ASIC2: variants seen among roughly 807,000 people sequenced by gnomAD.
ASIC2 encodes the protein acid-sensing ion channel 2.
A neutral mutation model predicts 57.3 loss-of-function variants in ASIC2; 25 were observed. That is an observed-to-expected ratio of 0.44 (90% CI 0.32 to 0.61). The LOEUF (loss-of-function observed/expected upper bound fraction) is 0.61, where lower values mean the gene tolerates loss of function less well. ASIC2 is among the 20% of genes least tolerant of loss of function. The pLI is 0.06. For missense variants in ASIC2, 641 were observed against 738.1 expected (o/e 0.87, Z 1.52); for synonymous variants, 319 against 307.5 (o/e 1.04, Z -0.39).
At chr17:33,907,257 G>A (rs1304911046) in intron 1 of ASIC2, among the ~76,000 whole-genome samples, 1 of 152,142 alleles carries the variant, frequency 6.6e-6, no homozygotes, top group Non-Finnish European at 1.5e-5. Context: ...GGGATCCTGG[G>A]GGTCAGGCGA....
intron 1 of ASIC2, among the ~76,000 whole-genome samples, chr17:33,858,554 C>T (rs1194935375): frequency 6.6e-6 from 1 of 152,240 alleles, no homozygotes; most frequent in Non-Finnish European, 1.5e-5. Flanking sequence ...CAAAGACAGC[C>T]TGAGTCCCTG....
At chr17:34,065,356 G>A (rs758711930) in intron 1 of ASIC2, among the ~76,000 whole-genome samples, 1 of 152,080 alleles carries the variant, frequency 6.6e-6, no homozygotes, top group Admixed American at 6.6e-5. Flanking sequence ...GGGACTTAGG[G>A]GGAAGAGTGG....
intron 1 of ASIC2, among the ~76,000 whole-genome samples, chr17:33,640,490 A>G (rs1167904526): frequency 6.6e-6 from 1 of 152,220 alleles, no homozygotes; most frequent in Non-Finnish European, 1.5e-5. Context: ...TCTCACAGAG[A>G]GAGCACGGAC....
chr17:33,024,823 G>A (rs1306085079), intron 5 of ASIC2, among the ~76,000 whole-genome samples: 1 of 152,074 alleles, frequency 6.6e-6, no homozygotes, highest in African/African-American at 2.4e-5. Flanking sequence ...CTGAGTCCTC[G>A]CTCTGCTTGA....
At chr17:33,037,477 G>A (rs955793056) in intron 3 of ASIC2, among the ~76,000 whole-genome samples, 3 of 146,492 alleles carry the variant, frequency 2.0e-5, no homozygotes, top group African/African-American at 7.7e-5. Context: ...TGCTCCATCA[G>A]CGTCTCTGAA....
intron 1 of ASIC2, among the ~76,000 whole-genome samples, chr17:33,464,477 TTTCTCTCTTTCTTTCTTTCTTTCTTTC>T (rs1912752785): frequency 4.6e-5 from 5 of 107,694 alleles, no homozygotes; most frequent in African/African-American, 1.9e-4. Flanking sequence ...CTTTCTTTCT[TTTCTCTCTTTCTTTCTTTCTTTCTTTC>T]TTTCTTTCTT....
At chr17:33,231,655 A>G (rs1053969617) in intron 1 of ASIC2, among the ~76,000 whole-genome samples, 1 of 152,060 alleles carries the variant, frequency 6.6e-6, no homozygotes, top group African/African-American at 2.4e-5. Flanking sequence ...TCGAGGCCTG[A>G]TGGGTCACTG....
intron 1 of ASIC2, among the ~76,000 whole-genome samples, chr17:34,022,222 C>T (rs2142029821): frequency 6.6e-6 from 1 of 152,206 alleles, no homozygotes; most frequent in Admixed American, 6.5e-5. Flanking sequence ...TTCTGCTGTG[C>T]CTAACCCTAA....
At chr17:33,154,390 A>G (rs1294533051) in intron 1 of ASIC2, among the ~76,000 whole-genome samples, 17 of 152,174 alleles carry the variant, frequency 1.1e-4, no homozygotes. Context: ...AAATTATTTC[A>G]TTCTTTAAAA....
intron 1 of ASIC2, among the ~76,000 whole-genome samples, chr17:33,790,279 AT>A (rs1339448483): frequency 3.3e-5 from 5 of 152,214 alleles, no homozygotes; most frequent in Non-Finnish European, 5.9e-5. Context: ...TCAATAATAT[AT>A]TTTTTTGACC....
chr17:33,330,765 T>G (rs185906958), intron 1 of ASIC2, among the ~76,000 whole-genome samples: 1 of 152,166 alleles, frequency 6.6e-6, no homozygotes, highest in Non-Finnish European at 1.5e-5. Flanking sequence ...TTATTCTATT[T>G]CATAAGGATT....
chr17:33,408,855 A>G (rs1365080717), intron 1 of ASIC2, among the ~76,000 whole-genome samples: 1 of 152,194 alleles, frequency 6.6e-6, no homozygotes, highest in Non-Finnish European at 1.5e-5. Context: ...ATGAGAGAGG[A>G]CAGGGTAAAT....
intron 1 of ASIC2, among the ~76,000 whole-genome samples, chr17:33,129,359 C>G (rs2092336323): frequency 6.6e-6 from 1 of 152,172 alleles, no homozygotes; most frequent in Non-Finnish European, 1.5e-5. Context: ...GCTGCAGGAA[C>G]TAGGGGTATT....
chr17:33,415,062 T>C (rs1910795202), intron 1 of ASIC2, among the ~76,000 whole-genome samples: 1 of 152,232 alleles, frequency 6.6e-6, no homozygotes, highest in South Asian at 2.1e-4. Flanking sequence ...TACCACCCTG[T>C]GGGGACATGG....
intron 1 of ASIC2, among the ~76,000 whole-genome samples, chr17:33,232,503 T>TGGTATGGTATGGTATGGTAC (rs1555584469): frequency 1.3e-3 from 172 of 134,166 alleles, no homozygotes; most frequent in South Asian, 4.3e-3. Context: ...TGGTACGGTA[T>TGGTATGGTATGGTATGGTAC]GGTATGGTAT....
intron 1 of ASIC2, among the ~76,000 whole-genome samples, chr17:33,930,977 G>A (rs972577353): frequency 3.9e-5 from 6 of 152,154 alleles, no homozygotes; most frequent in Non-Finnish European, 8.8e-5. Context: ...GGAGTGCAGT[G>A]GCACGATCTC....
intron 1 of ASIC2, among the ~76,000 whole-genome samples, chr17:33,308,391 C>T (rs1405841056): frequency 6.6e-6 from 1 of 152,206 alleles, no homozygotes; most frequent in African/African-American, 2.4e-5. Flanking sequence ...CCAAGACTTT[C>T]TGTGTTATGC....
chr17:33,126,384 C>T (rs1026428442), intron 1 of ASIC2, among the ~76,000 whole-genome samples: 1 of 152,200 alleles, frequency 6.6e-6, no homozygotes, highest in Non-Finnish European at 1.5e-5. Context: ...CAGTCTCCTC[C>T]ACTTTGGTCT....
chr17:33,380,492 A>G lies in ASIC2; in HGVS notation c.556-268425T>C, dbSNP rs142631757. ...AAAAAACAACAAGGTCAGGGAGGTC[A>G]GGGAGTGACAGGCTTCCATCACACA... On this transcript the variant is annotated intron_variant, in intron 1 of 9. Transcript: ENST00000359872. Among the ~76,000 whole-genome samples, 468 of 152,308 alleles carry G rather than the reference A, an allele frequency of 3.1e-3. 3 individuals carry two copies. The highest frequency in any genetic ancestry group is 0.01 in the African/African-American group (434 of 41,564).
Sources: allele counts gnomAD v4.1 joint callset (sites outside exome capture counted in the v4.1 genomes callset), GRCh38; gene constraint gnomAD v4.1.1; transcripts MANE v1.5; gene names NCBI Gene and HGNC (gene_info 2026-07-23, HGNC 2026-07-21).